The following FNDC3A variants were observed in gnomAD, a reference collection of about 807,000 sequenced individuals.
FNDC3A encodes the protein fibronectin type-III domain-containing protein 3A.
FNDC3A carries 32 observed loss-of-function variants against 148.9 expected under a neutral mutation model. The ratio of observed to expected loss-of-function variants is 0.21; its 90% CI spans 0.16 to 0.29. The LOEUF is 0.29. FNDC3A is among the 10% of genes least tolerant of loss of function. The probability of loss-of-function intolerance (pLI) is 1.00; values close to 1 mark genes in which losing one functional copy is unlikely to be tolerated. For synonymous variants in FNDC3A, 472 were observed against 473.6 expected (o/e 1.00, Z 0.04); for missense variants, 1,191 against 1,452.8 (o/e 0.82, Z 2.93).
intron 16 of FNDC3A, chr13:49,187,739 A>T (rs1411763707): frequency 1.9e-6 from 2 of 1,039,760 alleles, no homozygotes; most frequent in African/African-American, 1.7e-5. Context: ...CCTCACCAAG[A>T]CCTTTTTTTT....
At chr13:48,978,767 A>G (rs958779736) in intron 1 of FNDC3A, among the ~76,000 whole-genome samples, 2 of 152,074 alleles carry the variant, frequency 1.3e-5, no homozygotes, top group African/African-American at 2.4e-5. Flanking sequence ...TATTCCATTG[A>G]GCCTTTTACT....
chr13:49,065,869 A>T (rs1877229837), intron 2 of FNDC3A, among the ~76,000 whole-genome samples: 1 of 152,310 alleles, frequency 6.6e-6, no homozygotes, highest in African/African-American at 2.4e-5. Flanking sequence ...TTATTTTCTT[A>T]GACATTTATA....
chr13:49,022,626 T>C (rs1593483727), intron 2 of FNDC3A, among the ~76,000 whole-genome samples: 1 of 152,276 alleles, frequency 6.6e-6, no homozygotes, highest in East Asian at 1.9e-4. Flanking sequence ...ATTTTGTGCC[T>C]CAGAATTCTA....
intron 2 of FNDC3A, among the ~76,000 whole-genome samples, chr13:49,049,880 C>T (rs1010712575): frequency 5.1e-4 from 77 of 151,968 alleles, no homozygotes; most frequent in Middle Eastern, 3.4e-3. Flanking sequence ...CCACTATGCC[C>T]GGCTAATTTT....
intron 3 of FNDC3A, among the ~76,000 whole-genome samples, chr13:49,098,255 C>G (rs1427540369): frequency 6.6e-6 from 1 of 152,110 alleles, no homozygotes; most frequent in African/African-American, 2.4e-5. Context: ...TGGTAGATGA[C>G]TAGCCTGCTT....
At chr13:48,986,382 G>GTTTTTTT (rs1425213112) in intron 1 of FNDC3A, among the ~76,000 whole-genome samples, 1 of 61,954 alleles carries the variant, frequency 1.6e-5, no homozygotes, top group South Asian at 8.3e-4. Flanking sequence ...GGAGAAGGAA[G>GTTTTTTT]TTGTTTTTTT....
upstream of FNDC3A, chr13:48,975,602 G>A (rs138111996): frequency 7.2e-5 from 11 of 152,332 alleles, no homozygotes; most frequent in East Asian, 2.1e-3. Context: ...AGAATTGTGT[G>A]AGTGTCTCTA....
chr13:49,192,898 C>T (rs1885958535), intron 19 of FNDC3A, among the ~76,000 whole-genome samples: 1 of 152,040 alleles, frequency 6.6e-6, no homozygotes, highest in African/African-American at 2.4e-5. Context: ...ACTATAAGTA[C>T]ACTATTTACA....
chr13:49,068,388 A>T (rs188926901), intron 2 of FNDC3A, among the ~76,000 whole-genome samples: 6 of 152,130 alleles, frequency 3.9e-5, no homozygotes, highest in Admixed American at 2.0e-4. Context: ...TTAATTAATT[A>T]AATTAAATAA....
At chr13:49,081,176 A>G (rs1878443929) in intron 3 of FNDC3A, among the ~76,000 whole-genome samples, 1 of 152,200 alleles carries the variant, frequency 6.6e-6, no homozygotes, top group Admixed American at 6.5e-5. Flanking sequence ...CTCAGAATGA[A>G]TAAATGGGGC....
At chr13:49,064,046 T>C (rs752948130) in intron 2 of FNDC3A, among the ~76,000 whole-genome samples, 15 of 152,038 alleles carry the variant, frequency 9.9e-5, no homozygotes, top group Non-Finnish European at 1.9e-4. Flanking sequence ...AGGACATCAA[T>C]AAATAGTCTG....
rs753554754 is a variant in FNDC3A, at chr13:49,201,877, G to A, written c.3065G>A (p.Cys1022Tyr). Residue 1022 changes from cysteine to tyrosine, a missense_variant, in exon 24 of 26, where the codon TGT becomes TAT. Physicochemically the swap from Cys to Tyr is radical, Grantham distance 194. Transcript: ENST00000492622. ...AATGAGTCAACATCCTATAAATTCT[G>A]TATTCAAGCTTGTAATGAAGCTGGG... is the stretch of plus-strand genomic sequence containing the variant. ...RLNESTSYKF[C>Y]IQACNEAGEG... 1 of 1,594,016 alleles carries A rather than the reference G, an allele frequency of 6.3e-7. No homozygotes were observed. Among genetic ancestry groups the A allele is most frequent in the South Asian group, 1.1e-5 (1 of 88,932 alleles).
intron 3 of FNDC3A, among the ~76,000 whole-genome samples, chr13:49,088,146 A>G (rs1878937167): frequency 6.6e-6 from 1 of 152,166 alleles, no homozygotes; most frequent in Non-Finnish European, 1.5e-5. Flanking sequence ...TTAACCTTTT[A>G]TATATGAATA....
intron 2 of FNDC3A, among the ~76,000 whole-genome samples, chr13:49,026,538 C>T (rs1442353014): frequency 6.6e-6 from 1 of 152,138 alleles, no homozygotes; most frequent in African/African-American, 2.4e-5. Flanking sequence ...GGGTCCTGTT[C>T]TGTCACCCAG....
intron 8 of FNDC3A, among the ~76,000 whole-genome samples, chr13:49,149,489 G>A (rs936596811): frequency 2.0e-5 from 3 of 152,076 alleles, no homozygotes; most frequent in African/African-American, 7.2e-5. Context: ...TTGATATGGT[G>A]TATCACATTA....
intron 2 of FNDC3A, among the ~76,000 whole-genome samples, chr13:49,018,549 T>G (rs201241918): frequency 1.5e-5 from 2 of 136,842 alleles, no homozygotes; most frequent in Admixed American, 7.6e-5. Flanking sequence ...TGGTTTGAAT[T>G]TCCTCCCGTA....
chr13:49,078,301 G>A (rs898065289), intron 3 of FNDC3A, among the ~76,000 whole-genome samples: 1 of 151,972 alleles, frequency 6.6e-6, no homozygotes, highest in Non-Finnish European at 1.5e-5. Flanking sequence ...GACCCCTTTG[G>A]TCAGGACCAA....
At chr13:49,137,127 T>C (rs1379736678) in intron 6 of FNDC3A, among the ~76,000 whole-genome samples, 1 of 152,086 alleles carries the variant, frequency 6.6e-6, no homozygotes, top group Non-Finnish European at 1.5e-5. Context: ...GTCCCCAACC[T>C]ATCAAAACTT....
chr13:49,018,690 G>A (rs1163113348), intron 2 of FNDC3A, among the ~76,000 whole-genome samples: 1 of 152,242 alleles, frequency 6.6e-6, no homozygotes, highest in African/African-American at 2.4e-5. Flanking sequence ...GCTTTTTAGA[G>A]TTTCCAGTTT....
Sources: gnomAD v4.1 joint callset for allele counts (sites outside exome capture counted in the v4.1 genomes callset) on GRCh38, gnomAD v4.1.1 for gene constraint, MANE v1.5 for transcripts, NCBI Gene and HGNC (gene_info 2026-07-23, HGNC 2026-07-21) for gene names.